Variants in RAP1GAP2 observed in about 807,000 individuals in gnomAD.
The protein encoded by RAP1GAP2 is RAP1 GTPase activating protein 2, also known as rap1 GTPase-activating protein 2.
A neutral mutation model predicts 95.0 loss-of-function variants in RAP1GAP2; 27 were observed. The observed-to-expected ratio is 0.28, with a 90% CI of 0.21 to 0.39. The LOEUF is 0.39. RAP1GAP2 is among the 10% of genes least tolerant of loss of function. The pLI is 1.00. For synonymous variants in RAP1GAP2, 373 were observed against 380.9 expected (o/e 0.98, Z 0.24); for missense variants, 771 against 970.0 (o/e 0.79, Z 2.72).
chr17:2,768,090 G>A lies in RAP1GAP2; in HGVS notation c.51-2239G>A, dbSNP rs548400777. 1.2e-4 allele frequency among the ~76,000 whole-genome samples: 18 copies of A among 152,240 alleles called. No homozygotes were observed. In the East Asian group the frequency reaches 2.5e-3, roughly 21 times the overall value. On this transcript the variant is annotated intron_variant, in intron 1 of 25. Transcript: ENST00000637138. ...TTTATTTAGCTCCCTACTGAAGGGT[G>A]CATGGGTCGCCCTCAGTCTTTTGCT...
In RAP1GAP2 at chr17:2,995,315, TCCTGC is replaced by T. The variant is rs1352304479; in HGVS notation, c.915-17_915-13del. On this transcript the variant is annotated splice_polypyrimidine_tract_variant and intron_variant, in intron 12 of 24. Coordinates refer to ENST00000254695, the MANE Select transcript of RAP1GAP2 (RefSeq NM_015085.5). ...TGCCTCACTCTCTTTTCTCCCCATC[TCCTGC>T]CCTGTTTTGTTGACAGTTTCCGAGG... The T allele has an allele frequency of 6.2e-7, 1 of 1,611,424 alleles. No homozygotes were observed. Among genetic ancestry groups the T allele is most frequent in the Non-Finnish European group, 8.5e-7 (1 of 1,177,870 alleles).
At position 3,011,609 on chromosome 17, in the gene RAP1GAP2, G is replaced by GTT. The variant is rs555219792; in HGVS notation, c.1494+3484_1494+3485dup. Among the ~76,000 whole-genome samples, 718 of 109,606 alleles carry GTT rather than the reference G, an allele frequency of 6.6e-3. 14 individuals carry two copies. The highest frequency in any genetic ancestry group is 0.012 in the South Asian group (36 of 3,024). The allele number at this position is 109,606 out of a possible 152,430, so 71.9% of individuals were successfully genotyped here. On this transcript the variant is annotated intron_variant, in intron 17 of 24. Coordinates refer to ENST00000254695, the MANE Select transcript of RAP1GAP2 (RefSeq NM_015085.5). ...CAGGCCTTTATCTCTTCCTGTCAAA[G>GTT]TTTTTTTTTTTTTTTTTTTTTGAGA...
chr17:2,976,698 C>T (rs890132702), intron 8 of RAP1GAP2, among the ~76,000 whole-genome samples: 5 of 151,684 alleles, frequency 3.3e-5, no homozygotes, highest in African/African-American at 9.7e-5. Context: ...AGACAAGAAC[C>T]GACTAGTGAA....
intron 3 of RAP1GAP2, among the ~76,000 whole-genome samples, chr17:2,947,410 A>G (rs2043740511): frequency 6.6e-6 from 1 of 152,036 alleles, no homozygotes; most frequent in Admixed American, 6.6e-5. Flanking sequence ...TAGCAGTAAC[A>G]CTGGCCCGTC....
At chr17:2,922,041 G>A (rs748522744) in intron 3 of RAP1GAP2, among the ~76,000 whole-genome samples, 1 of 152,208 alleles carries the variant, frequency 6.6e-6, no homozygotes, top group Non-Finnish European at 1.5e-5. Context: ...TGTTCCAACT[G>A]TTACAACAAA....
intron 1 of RAP1GAP2, among the ~76,000 whole-genome samples, chr17:2,762,022 T>G (rs896165573): frequency 1.2e-4 from 17 of 139,990 alleles, no homozygotes; most frequent in African/African-American, 4.2e-4. Flanking sequence ...GGAGTCTTGC[T>G]CTGTTGCCCA....
chr17:2,937,911 C>T (rs1444132776), intron 3 of RAP1GAP2, among the ~76,000 whole-genome samples: 1 of 152,180 alleles, frequency 6.6e-6, no homozygotes, highest in African/African-American at 2.4e-5. Context: ...TTCCCCCAGC[C>T]CCTGGAGACA....
chr17:2,823,720 G>A (rs946041792), intron 2 of RAP1GAP2, among the ~76,000 whole-genome samples: 2 of 152,208 alleles, frequency 1.3e-5, no homozygotes, highest in African/African-American at 4.8e-5. Context: ...TACATAATCA[G>A]TGAGTGGCCC....
chr17:2,831,456 C>T (rs2070849401), intron 2 of RAP1GAP2, among the ~76,000 whole-genome samples: 1 of 151,966 alleles, frequency 6.6e-6, no homozygotes, highest in African/African-American at 2.4e-5. Flanking sequence ...TGGAGAATTC[C>T]TGTCTGACCA....
chr17:2,947,361 AG>A (rs2043737468), intron 3 of RAP1GAP2, among the ~76,000 whole-genome samples: 1 of 152,018 alleles, frequency 6.6e-6, no homozygotes, highest in African/African-American at 2.4e-5. Flanking sequence ...ATCCAGGGTG[AG>A]GGGTGCAGTC....
rs1411442002 is a variant in RAP1GAP2 at position 2,914,895 on chromosome 17, G to C, written c.165+9527G>C. ...CAACCTCCACCTCCTGGGTTCAAACGATTCTCCTGCCTCAGTCCCCCGAGT... is the reference window on the plus strand; with the variant it reads ...CAACCTCCACCTCCTGGGTTCAAACCATTCTCCTGCCTCAGTCCCCCGAGT... On this transcript the variant is annotated intron_variant, in intron 3 of 24. Transcript: ENST00000254695. Among the ~76,000 whole-genome samples, 3 of 137,724 alleles carry C rather than the reference G, an allele frequency of 2.2e-5. No homozygotes were observed. In the South Asian group the frequency reaches 7.2e-4, roughly 33 times the overall value. The allele number at this position is 137,724 out of a possible 152,430, so 90.4% of individuals were successfully genotyped here. A position where few individuals can be genotyped will look rare whatever the true frequency, so the allele number is the denominator to read the frequency against.
chr17:2,802,869 A>G (rs1002051760), intron 2 of RAP1GAP2, among the ~76,000 whole-genome samples: 1 of 152,136 alleles, frequency 6.6e-6, no homozygotes, highest in South Asian at 2.1e-4. Context: ...GACCCATTCA[A>G]TCTGGAGGTG....
chr17:2,791,615 A>C (rs1203666682), upstream of RAP1GAP2, among the ~76,000 whole-genome samples: 2 of 152,120 alleles, frequency 1.3e-5, no homozygotes. Flanking sequence ...CCTATCTGTA[A>C]AATGGGATAA....
chr17:2,783,206 G>A (rs964804441), intron 1 of RAP1GAP2, among the ~76,000 whole-genome samples: 4 of 152,078 alleles, frequency 2.6e-5, no homozygotes, highest in African/African-American at 7.2e-5. Flanking sequence ...TGTCCGTCTC[G>A]TCTTGGCAGT....
At position 3,008,316 on chromosome 17, in the gene RAP1GAP2, GT is replaced by G. The variant is rs2046399348; in HGVS notation, c.1494+172del. On this transcript the variant is annotated intron_variant, in intron 17 of 24. Coordinates refer to ENST00000254695, the MANE Select transcript of RAP1GAP2 (RefSeq NM_015085.5). The surrounding 1 kb of genome is among the most constrained non-coding windows in gnomAD (Gnocchi z 4.2). ...GCAAAGGGCAGGGCCGTTAGGAAGT[GT>G]GTGAGGCTGGAGCAGCCAGCAGTTT... 6.6e-6 allele frequency among the ~76,000 whole-genome samples: 1 copy of G among 152,214 alleles called. No individual in the cohort carries two copies. The highest frequency in any genetic ancestry group is 1.5e-5 in the Non-Finnish European group (1 of 68,050).
chr17:2,761,979 CTTTTTTTTTTTTTT>C (rs901487276), intron 1 of RAP1GAP2, among the ~76,000 whole-genome samples: 1 of 77,710 alleles, frequency 1.3e-5, no homozygotes, highest in South Asian at 5.8e-4. Flanking sequence ...GTTTATATAT[CTTTTTTTTTTTTTT>C]TTTTTTTTTT....
rs532770743 is a variant in RAP1GAP2 at position 2,831,927 on chromosome 17, T to C, written c.80+31377T>C. ...AACAACAACAACACAAAAAACAGGCTGGGCGTGGTGGCTCACGCTTTTAAT... is the reference window on the plus strand; with the variant it reads ...AACAACAACAACACAAAAAACAGGCCGGGCGTGGTGGCTCACGCTTTTAAT... On this transcript the variant is annotated intron_variant, in intron 2 of 24. Transcript: ENST00000254695. Among the ~76,000 whole-genome samples the C allele has an allele frequency of 2.2e-4, 34 of 151,682 alleles. No individual in the cohort carries two copies. In the East Asian group the frequency reaches 6.2e-3, roughly 28 times the overall value.
At chr17:2,885,822 A>G (rs147053623) in intron 2 of RAP1GAP2, among the ~76,000 whole-genome samples, 2 of 152,328 alleles carry the variant, frequency 1.3e-5, no homozygotes, top group Admixed American at 6.5e-5. Flanking sequence ...GGCCACCCTC[A>G]TGCCTCCTGG....
In RAP1GAP2 at chr17:2,970,047, A is replaced by G. The variant is rs548256078; in HGVS notation, c.596+4404A>G. 1.1e-4 allele frequency among the ~76,000 whole-genome samples: 16 copies of G among 151,900 alleles called. No individual in the cohort carries two copies. In the South Asian group the frequency reaches 3.3e-3, roughly 32 times the overall value. On this transcript the variant is annotated intron_variant, in intron 8 of 24. Coordinates refer to ENST00000254695, the MANE Select transcript of RAP1GAP2 (RefSeq NM_015085.5). ...TCAGCACTTTGGGAGGCCAAAGCAG[A>G]TGGCTCACCTGAGGTCAGGAGTTTA... is the stretch of plus-strand genomic sequence containing the variant.
Sources: allele counts gnomAD v4.1 joint callset (sites outside exome capture counted in the v4.1 genomes callset), GRCh38; gene constraint gnomAD v4.1.1; non-coding constraint Gnocchi (gnomAD v3.1); transcripts MANE v1.5; gene names NCBI Gene and HGNC (gene_info 2026-07-23, HGNC 2026-07-21).